Variants in CSNK1G3 observed in about 807,000 individuals in gnomAD.
CSNK1G3 encodes the protein casein kinase 1 gamma 3.
CSNK1G3 carries 23 observed loss-of-function variants against 64.3 expected under a neutral mutation model. That is an observed-to-expected ratio of 0.36 (90% confidence interval 0.26 to 0.51). The LOEUF is 0.51. CSNK1G3 is among the 20% of genes least tolerant of loss of function. The pLI, the probability that CSNK1G3 is intolerant of heterozygous loss-of-function variation, is 0.96. For missense variants in CSNK1G3, 357 were observed against 510.5 expected, an observed-to-expected ratio of 0.70 and a Z score of 2.90; for synonymous variants, 158 against 162.2, an observed-to-expected ratio of 0.97 and a Z score of 0.20.
intron 4 of CSNK1G3, among the ~76,000 whole-genome samples, chr5:123,566,490 T>A (rs549577405): frequency 6.6e-6 from 1 of 152,292 alleles, no homozygotes; most frequent in East Asian, 1.9e-4. Flanking sequence ...AGAACAAACC[T>A]TTCTGAGCCT....
chr5:123,533,829 A>C (rs1447605852), intron 1 of CSNK1G3, among the ~76,000 whole-genome samples: 1 of 146,120 alleles, frequency 6.8e-6, no homozygotes, highest in African/African-American at 2.5e-5. Flanking sequence ...TTTATTTTTT[A>C]TTTTTTGGAA....
exon 13 of CSNK1G3, chr5:123,616,265 C>T (rs967002467): frequency 1.3e-5 from 2 of 152,488 alleles, no homozygotes; most frequent in Admixed American, 6.6e-5. Flanking sequence ...TAATGTGAAA[C>T]CACTTCTTCT....
intron 12 of CSNK1G3, among the ~76,000 whole-genome samples, chr5:123,610,627 GC>G (rs1478546454): frequency 1.3e-5 from 2 of 152,134 alleles, no homozygotes; most frequent in African/African-American, 4.8e-5. Context: ...CCTGTTTGTT[GC>G]CTAATTGTAT....
chr5:123,560,946 C>T (rs1293849672), intron 4 of CSNK1G3, among the ~76,000 whole-genome samples: 2 of 152,046 alleles, frequency 1.3e-5, no homozygotes, highest in African/African-American at 4.8e-5. Context: ...CTGAACTGTA[C>T]ACTTAAAGAT....
At chr5:123,601,429 T>C (rs143034495) in intron 10 of CSNK1G3, among the ~76,000 whole-genome samples, 123 of 152,294 alleles carry the variant, frequency 8.1e-4, no homozygotes, top group African/African-American at 2.9e-3. Flanking sequence ...CTTGGGATAC[T>C]AGCCTTTACT....
chr5:123,588,624 A>C, intron 8 of CSNK1G3, 113 bp downstream of exon 8: 2 of 731,068 alleles, frequency 2.7e-6, no homozygotes, highest in Non-Finnish European at 4.6e-6. Flanking sequence ...AGAGCTAAAA[A>C]TATGATTTAA....
At chr5:123,513,770 A>G (rs1420083424) in intron 1 of CSNK1G3, among the ~76,000 whole-genome samples, 1 of 152,194 alleles carries the variant, frequency 6.6e-6, no homozygotes, top group Admixed American at 6.5e-5. Flanking sequence ...TTTCCCGGTA[A>G]ATTTAGAAGA....
At chr5:123,591,364 A>G (rs1444064935) in exon 10 of CSNK1G3, 3 of 1,610,710 alleles carry the variant, frequency 1.9e-6, no homozygotes, top group South Asian at 1.1e-5. Context: ...TCTGTCATCA[A>G]ACAGAGAAGC....
intron 6 of CSNK1G3, among the ~76,000 whole-genome samples, chr5:123,581,280 A>T (rs1790197955): frequency 6.7e-6 from 1 of 149,836 alleles, no homozygotes; most frequent in South Asian, 2.1e-4. Context: ...GAAGGTTAGG[A>T]TGGATATCTT....
intron 4 of CSNK1G3, among the ~76,000 whole-genome samples, chr5:123,571,501 T>C (rs1330139442): frequency 6.6e-6 from 1 of 152,038 alleles, no homozygotes; most frequent in Non-Finnish European, 1.5e-5. Context: ...GAAATACTTG[T>C]CTCATCCAAA....
At chr5:123,571,146 T>G (rs1788018242) in intron 4 of CSNK1G3, among the ~76,000 whole-genome samples, 1 of 152,136 alleles carries the variant, frequency 6.6e-6, no homozygotes. Context: ...GTGATGTGTG[T>G]GTGTTTGCAG....
chr5:123,599,328 C>T (rs1006334383), intron 10 of CSNK1G3, among the ~76,000 whole-genome samples: 2 of 152,100 alleles, frequency 1.3e-5, no homozygotes, highest in African/African-American at 4.8e-5. Flanking sequence ...ACTCTGAGCA[C>T]TTGGGAGAAA....
chr5:123,609,169 G>A lies in CSNK1G3; in HGVS notation c.1217+3807G>A, dbSNP rs115573772. 5.8e-3 allele frequency among the ~76,000 whole-genome samples: 884 copies of A among 152,234 alleles called. 10 individuals are homozygous for A. Among genetic ancestry groups the A allele is most frequent in the African/African-American group, 0.02 (832 of 41,554 alleles). ...TTCCCAATCTCAGAGGGCCTTGGTA[G>A]CCAGTAACCAAATTTGGACATTATC... On this transcript the variant is annotated intron_variant, in intron 12 of 12. Transcript: ENST00000345990.
intron 10 of CSNK1G3, among the ~76,000 whole-genome samples, chr5:123,595,532 C>G (rs1420504327): frequency 6.6e-6 from 1 of 152,034 alleles, no homozygotes; most frequent in Non-Finnish European, 1.5e-5. Flanking sequence ...CAAACATAAT[C>G]AGTTAAATAT....
At chr5:123,600,433 T>G (rs1334534758) in intron 10 of CSNK1G3, among the ~76,000 whole-genome samples, 2 of 152,002 alleles carry the variant, frequency 1.3e-5, no homozygotes, top group Non-Finnish European at 2.9e-5. Context: ...GAGACCAGCC[T>G]GGCCAACACG....
chr5:123,545,280 A>G lies in CSNK1G3; in HGVS notation c.-247-137A>G, dbSNP rs373379039. ...AATAAAGGGTAGTGGTTAATTTAAA[A>G]GTATACTGTGGTTTGATTTCAATGG... On this transcript the variant is annotated intron_variant, in intron 1 of 12. Coordinates refer to ENST00000345990, the Ensembl canonical transcript of CSNK1G3. 6.3e-5 allele frequency: 10 copies of G among 157,766 alleles called. No individual in the cohort carries two copies. The South Asian group carries it at 7.8e-4, about 12-fold the overall frequency. The allele number at this position is 157,766 out of a possible 1,614,324, so 9.8% of individuals were successfully genotyped here. A position where few individuals can be genotyped will look rare whatever the true frequency, so the allele number is the denominator to read the frequency against.
intron 2 of CSNK1G3, among the ~76,000 whole-genome samples, chr5:123,547,057 A>G (rs17475188): frequency 0.23 from 34,340 of 152,094 alleles, 4,096 homozygotes; most frequent in Middle Eastern, 0.29. Context: ...TTACGTGTTT[A>G]TAATCTGTTA....
chr5:123,580,475 A>G (rs990282646), intron 6 of CSNK1G3, among the ~76,000 whole-genome samples: 1 of 151,964 alleles, frequency 6.6e-6, no homozygotes, highest in Non-Finnish European at 1.5e-5. Context: ...TTCAGAAGGC[A>G]GATGTTGCAG....
chr5:123,580,719 A>T (rs191448267), intron 6 of CSNK1G3, among the ~76,000 whole-genome samples: 103 of 152,012 alleles, frequency 6.8e-4, no homozygotes, highest in Admixed American at 1.9e-3. Flanking sequence ...TTGGATGACT[A>T]TTTTTCCCTT....
Sources: allele counts gnomAD v4.1 joint callset (sites outside exome capture counted in the v4.1 genomes callset), GRCh38; gene constraint gnomAD v4.1.1; transcripts MANE v1.5; gene names NCBI Gene and HGNC (gene_info 2026-07-23, HGNC 2026-07-21).